The following NSF variants were observed in gnomAD, a reference collection of about 807,000 sequenced individuals.
NSF encodes the protein N-ethylmaleimide sensitive factor, vesicle fusing ATPase.
A neutral mutation model predicts 50.3 loss-of-function variants in NSF; 14 were observed. The ratio of observed to expected loss-of-function variants is 0.28; its 90% confidence interval spans 0.18 to 0.44. The LOEUF (loss-of-function observed/expected upper bound fraction) is 0.44, where lower values mean the gene tolerates loss of function less well. NSF is among the 20% of genes least tolerant of loss of function. NSF has a pLI of 1.00. For missense variants in NSF, 218 were observed against 504.3 expected, an observed-to-expected ratio of 0.43 and a Z score of 5.44; for synonymous variants, 109 against 175.7, an observed-to-expected ratio of 0.62 and a Z score of 3.00.
At chr17:46,707,664 G>T (rs945669509) in intron 13 of NSF, among the ~76,000 whole-genome samples, 1 of 152,040 alleles carries the variant, frequency 6.6e-6, no homozygotes, top group Non-Finnish European at 1.5e-5. Flanking sequence ...CTTATTTGAC[G>T]TAGCATAATG....
At chr17:46,726,296 T>C (rs9895805) in intron 15 of NSF, among the ~76,000 whole-genome samples, 2,309 of 152,276 alleles carry the variant, frequency 0.015, 49 homozygotes, top group African/African-American at 0.053. Flanking sequence ...TGATGGGATG[T>C]GTCAGTTGAT....
chr17:46,708,502 T>TC (rs1274687210), intron 13 of NSF, among the ~76,000 whole-genome samples: 1 of 148,046 alleles, frequency 6.8e-6, no homozygotes, highest in East Asian at 2.0e-4. Context: ...TTTTTTTTTT[T>TC]TTTTTTTTTG....
intron 9 of NSF, among the ~76,000 whole-genome samples, chr17:46,691,864 T>C: frequency 6.6e-6 from 1 of 151,222 alleles, no homozygotes; most frequent in Non-Finnish European, 1.5e-5. Flanking sequence ...GTGATTTTCC[T>C]GCCTCAGCCT....
chr17:46,743,098 G>A (rs934226521), intron 17 of NSF, among the ~76,000 whole-genome samples: 2 of 152,114 alleles, frequency 1.3e-5, no homozygotes, highest in Non-Finnish European at 2.9e-5. Context: ...TTCGGAGGGG[G>A]TGTCTGACCT....
Position 46,749,755 on chromosome 17 carries a change from T to G in NSF, c.1909-18T>G, listed in dbSNP as rs1448534956. On this transcript the variant is annotated intron_variant, in intron 17 of 20. Transcript: ENST00000398238. ...GTCTTATTATGTACATTTTAACACA[T>G]TTTCTCCCTATGATCAGGGCCGCAA... The G allele has an allele frequency of 6.2e-6, 10 of 1,606,864 alleles. No individual in the cohort carries two copies. The highest frequency in any genetic ancestry group is 8.5e-6 in the Non-Finnish European group (10 of 1,175,586).
At chr17:46,741,431 C>T (rs1263125326) in intron 17 of NSF, among the ~76,000 whole-genome samples, 1 of 152,120 alleles carries the variant, frequency 6.6e-6, no homozygotes, top group Non-Finnish European at 1.5e-5. Context: ...GTCTTCTGTC[C>T]TGCTTGCAGC....
At chr17:46,712,833 GA>G (rs1480140851) in intron 14 of NSF, among the ~76,000 whole-genome samples, 1 of 152,150 alleles carries the variant, frequency 6.6e-6, no homozygotes, top group African/African-American at 2.4e-5. Flanking sequence ...AGGGGAAAGA[GA>G]GAATGTGTGT....
chr17:46,746,262 C>G (rs1456122051), intron 17 of NSF, among the ~76,000 whole-genome samples: 2 of 152,188 alleles, frequency 1.3e-5, no homozygotes, highest in Non-Finnish European at 2.9e-5. Context: ...GTACTTCTAT[C>G]TCATATTCTA....
chr17:46,709,551 G>A (rs997521416), intron 13 of NSF, among the ~76,000 whole-genome samples: 2 of 151,590 alleles, frequency 1.3e-5, no homozygotes, highest in Non-Finnish European at 2.9e-5. Flanking sequence ...CTGGAGTGCA[G>A]TGGCGTGATC....
chr17:46,631,080 A>ACACACACACACACACACG lies in NSF; in HGVS notation c.238+647_238+648insGCACACACACACACACAC, dbSNP rs1356066449. On this transcript the variant is annotated intron_variant, in intron 4 of 20. Transcript: ENST00000398238. ...TCTCTGTACACACACACACACACAC[A>ACACACACACACACACACG]CACACACACACACACACACACACAC... is the stretch of plus-strand genomic sequence containing the variant. Among the ~76,000 whole-genome samples the ACACACACACACACACACG allele has an allele frequency of 3.1e-3, 443 of 143,982 alleles. 10 individuals are homozygous for ACACACACACACACACACG. Among genetic ancestry groups the ACACACACACACACACACG allele is most frequent in the African/African-American group, 9.8e-3 (340 of 34,852 alleles). 94.5% of individuals were successfully genotyped at this position (143,982 alleles called of 152,430 possible). A position where few individuals can be genotyped will look rare whatever the true frequency, so the allele number is the denominator to read the frequency against.
rs574835649 is a variant in NSF, at chr17:46,598,846, T to C, written c.12+8059T>C. On this transcript the variant is annotated intron_variant, in intron 1 of 20. Transcript: ENST00000398238. ...CAGTACTACAAATCAAAACAAATAC[T>C]ATAAAGTGTTTGGTAGTCCATTTCC... 2.5e-4 allele frequency among the ~76,000 whole-genome samples: 37 copies of C among 148,626 alleles called. No homozygotes were observed. In the South Asian group the frequency reaches 2.9e-3, roughly 12 times the overall value.
intron 4 of NSF, among the ~76,000 whole-genome samples, chr17:46,631,082 A>ACACACACACACACACACACACACACG (rs1555668592): frequency 1.5e-3 from 212 of 141,832 alleles, no homozygotes; most frequent in East Asian, 0.011. Context: ...ACACACACAC[A>ACACACACACACACACACACACACACG]CACACACACA....
intron 9 of NSF, among the ~76,000 whole-genome samples, chr17:46,678,515 C>T (rs909773740): frequency 6.7e-6 from 1 of 149,982 alleles, no homozygotes; most frequent in Non-Finnish European, 1.5e-5. Context: ...GAGAGAATAC[C>T]GTTTAAAGGT....
chr17:46,619,784 A>AC (rs1317584983), intron 1 of NSF, among the ~76,000 whole-genome samples: 3 of 88,182 alleles, frequency 3.4e-5, no homozygotes, highest in Non-Finnish European at 6.3e-5. Flanking sequence ...AAAAAAAAAA[A>AC]AAAAAAAAAA....
At chr17:46,680,296 C>T (rs1280306273) in intron 9 of NSF, among the ~76,000 whole-genome samples, 2 of 151,548 alleles carry the variant, frequency 1.3e-5, no homozygotes, top group Non-Finnish European at 2.9e-5. Flanking sequence ...ACCAAGGAAA[C>T]AATAGAACAC....
intron 17 of NSF, among the ~76,000 whole-genome samples, chr17:46,729,955 C>T (rs1345847308): frequency 2.0e-5 from 3 of 152,028 alleles, no homozygotes; most frequent in Non-Finnish European, 4.4e-5. Flanking sequence ...TTTAAATCAG[C>T]TTTTCATAAA....
intron 1 of NSF, among the ~76,000 whole-genome samples, chr17:46,609,794 G>T (rs2057989815): frequency 7.1e-6 from 1 of 141,736 alleles, no homozygotes; most frequent in Non-Finnish European, 1.6e-5. Context: ...CAGTTTACTA[G>T]ATCTTCTAAT....
intron 8 of NSF, among the ~76,000 whole-genome samples, chr17:46,655,903 A>G (rs1354175615): frequency 9.3e-6 from 1 of 107,270 alleles, no homozygotes; most frequent in Non-Finnish European, 1.8e-5. Flanking sequence ...TTATCTAGAA[A>G]TGAATCTTTA....
chr17:46,735,841 A>G (rs2058998045), intron 17 of NSF, among the ~76,000 whole-genome samples: 1 of 152,116 alleles, frequency 6.6e-6, no homozygotes, highest in Non-Finnish European at 1.5e-5. Flanking sequence ...GCGACTCGGG[A>G]AGCTGAGGCA....
Sources: allele counts gnomAD v4.1 joint callset (sites outside exome capture counted in the v4.1 genomes callset), GRCh38; gene constraint gnomAD v4.1.1; transcripts MANE v1.5; gene names NCBI Gene and HGNC (gene_info 2026-07-23, HGNC 2026-07-21).